Variants in LOC128092252 observed in about 807,000 individuals in gnomAD.
chr15:50,678,877 A>C, the LOC128092252 span, among the ~76,000 whole-genome samples: 1 of 152,094 alleles, frequency 6.6e-6, no homozygotes, highest in Non-Finnish European at 1.5e-5. Flanking sequence ...CAAAAACAAA[A>C]AAAAAAATTT....
chr15:50,682,562 G>A, the LOC128092252 span, among the ~76,000 whole-genome samples: 3 of 149,720 alleles, frequency 2.0e-5, no homozygotes, highest in Non-Finnish European at 4.4e-5. Flanking sequence ...GGCGACAAGA[G>A]GGAAACTCCA....
the LOC128092252 span, chr15:50,686,623 G>A: frequency 1.9e-6 from 3 of 1,549,218 alleles, no homozygotes; most frequent in African/African-American, 4.2e-5. Context: ...CGTCTCCGGA[G>A]GCGGCAGCAG....
At chr15:50,677,374 GGGGAGCGA>G in the LOC128092252 span, among the ~76,000 whole-genome samples, 1 of 149,674 alleles carries the variant, frequency 6.7e-6, no homozygotes, top group African/African-American at 2.5e-5. Context: ...ATGAATTCTC[GGGGAGCGA>G]GGGAGATCAC....
At chr15:50,684,510 T>A in the LOC128092252 span, among the ~76,000 whole-genome samples, 1 of 151,624 alleles carries the variant, frequency 6.6e-6, no homozygotes, top group Non-Finnish European at 1.5e-5. Context: ...GTGTGGTGGC[T>A]CGCACCTGGA....
the LOC128092252 span, among the ~76,000 whole-genome samples, chr15:50,679,509 A>AT: frequency 3.0e-4 from 15 of 50,450 alleles, no homozygotes; most frequent in South Asian, 1.8e-3. Context: ...GTGTATATAT[A>AT]TAATATATAT....
the LOC128092252 span, among the ~76,000 whole-genome samples, chr15:50,673,278 C>T: frequency 1.3e-5 from 2 of 152,206 alleles, no homozygotes; most frequent in Middle Eastern, 3.4e-3. Context: ...TTGTTTTTTA[C>T]TTATTTCCAT....
the LOC128092252 span, among the ~76,000 whole-genome samples, chr15:50,680,758 C>G: frequency 6.6e-6 from 1 of 152,048 alleles, no homozygotes; most frequent in Non-Finnish European, 1.5e-5. Context: ...TGACATAACA[C>G]CTGTCATCTG....
the LOC128092252 span, among the ~76,000 whole-genome samples, chr15:50,678,473 C>T: frequency 6.8e-6 from 1 of 146,322 alleles, no homozygotes; most frequent in Non-Finnish European, 1.5e-5. Flanking sequence ...CTTTCTGACA[C>T]TCTTACAGAC....
the LOC128092252 span, among the ~76,000 whole-genome samples, chr15:50,656,042 C>T: frequency 6.7e-6 from 1 of 150,022 alleles, no homozygotes; most frequent in Non-Finnish European, 1.5e-5. Flanking sequence ...AATAAAATAA[C>T]ACAACCCAGA....
chr15:50,681,755 T>C, the LOC128092252 span, among the ~76,000 whole-genome samples: 1 of 152,208 alleles, frequency 6.6e-6, no homozygotes, highest in Non-Finnish European at 1.5e-5. Flanking sequence ...AGTTAAGGTG[T>C]TATGTTATTG....
At chr15:50,679,116 C>T in the LOC128092252 span, among the ~76,000 whole-genome samples, 46 of 139,478 alleles carry the variant, frequency 3.3e-4, 3 homozygotes, top group Admixed American at 1.7e-3. Flanking sequence ...TGGTGATCCA[C>T]CCGCCTCAGC....
the LOC128092252 span, among the ~76,000 whole-genome samples, chr15:50,676,447 A>C: frequency 6.6e-6 from 1 of 152,144 alleles, no homozygotes; most frequent in African/African-American, 2.4e-5. Flanking sequence ...GGCTAGACAC[A>C]GTGGCTCACA....
chr15:50,682,268 ACC>A, the LOC128092252 span, among the ~76,000 whole-genome samples: 8 of 151,102 alleles, frequency 5.3e-5, no homozygotes, highest in Non-Finnish European at 1.0e-4. Context: ...ACCTCCACAC[ACC>A]AAAATTCCTT....
chr15:50,679,194 G>A, the LOC128092252 span, among the ~76,000 whole-genome samples: 1 of 150,940 alleles, frequency 6.6e-6, no homozygotes, highest in Admixed American at 6.6e-5. Context: ...TAATTAGCCA[G>A]GTTGGTGGTA....
chr15:50,673,001 G>C, the LOC128092252 span, among the ~76,000 whole-genome samples: 2 of 148,264 alleles, frequency 1.3e-5, no homozygotes, highest in African/African-American at 5.0e-5. Context: ...GTTATTACAA[G>C]AGTCAAAAAG....
the LOC128092252 span, among the ~76,000 whole-genome samples, chr15:50,660,338 T>A: frequency 6.6e-6 from 1 of 151,976 alleles, no homozygotes; most frequent in African/African-American, 2.4e-5. Flanking sequence ...AAATCCAAAT[T>A]TAAAATATAT....
At chr15:50,674,711 G>A in the LOC128092252 span, among the ~76,000 whole-genome samples, 1 of 152,184 alleles carries the variant, frequency 6.6e-6, no homozygotes, top group East Asian at 1.9e-4. Context: ...AGCATTTCTT[G>A]TAACACAGGT....
chr15:50,649,179 G>C, the LOC128092252 span, among the ~76,000 whole-genome samples: 1 of 152,040 alleles, frequency 6.6e-6, no homozygotes, highest in Non-Finnish European at 1.5e-5. Context: ...TGGCTCACGC[G>C]GGTAATCCCA....
chr15:50,674,615 T>A, the LOC128092252 span, among the ~76,000 whole-genome samples: 1 of 152,218 alleles, frequency 6.6e-6, no homozygotes, highest in Non-Finnish European at 1.5e-5. Context: ...TTAACTCTAT[T>A]TACATTTACC....
Sources: allele counts gnomAD v4.1 joint callset (sites outside exome capture counted in the v4.1 genomes callset), GRCh38; gene constraint gnomAD v4.1.1; transcripts MANE v1.5.